DENND1A: variants seen among roughly 807,000 people sequenced by gnomAD.
DENND1A encodes the protein DENN domain-containing protein 1A.
A neutral mutation model predicts 113.7 loss-of-function variants in DENND1A; 51 were observed. That is an observed-to-expected ratio of 0.45 (90% CI 0.36 to 0.57). The LOEUF is 0.57. Ranked by LOEUF, DENND1A falls within the 20% of genes least tolerant of loss-of-function variation. The pLI, the probability that DENND1A is intolerant of heterozygous loss-of-function variation, is 0.00. For synonymous variants in DENND1A, 565 were observed against 570.8 expected, an observed-to-expected ratio of 0.99 and a Z score of 0.14; for missense variants, 1,258 against 1,395.9, an observed-to-expected ratio of 0.90 and a Z score of 1.57.
At chr9:123,853,892 A>G (rs1564393398) in intron 2 of DENND1A, among the ~76,000 whole-genome samples, 2 of 152,208 alleles carry the variant, frequency 1.3e-5, no homozygotes, top group South Asian at 2.1e-4. Flanking sequence ...AAAATGTCTC[A>G]GATTAAGAAG....
chr9:123,667,810 A>G (rs2063562350), intron 7 of DENND1A, among the ~76,000 whole-genome samples: 1 of 152,132 alleles, frequency 6.6e-6, no homozygotes, highest in South Asian at 2.1e-4. Context: ...CATCTATAAA[A>G]TGTGGCCAAA....
chr9:123,477,779 G>A (rs768055433), intron 13 of DENND1A, among the ~76,000 whole-genome samples: 3 of 151,860 alleles, frequency 2.0e-5, no homozygotes, highest in Non-Finnish European at 4.4e-5. Flanking sequence ...AAATGAACAC[G>A]AGTGCCTCCC....
At chr9:123,738,182 T>C (rs953745257) in intron 5 of DENND1A, among the ~76,000 whole-genome samples, 10 of 152,226 alleles carry the variant, frequency 6.6e-5, no homozygotes, top group Non-Finnish European at 1.3e-4. Flanking sequence ...AATATGTTTG[T>C]TCGTTGCATA....
chr9:123,592,692 A>G (rs2059513435), intron 11 of DENND1A, among the ~76,000 whole-genome samples: 1 of 151,992 alleles, frequency 6.6e-6, no homozygotes, highest in South Asian at 2.1e-4. Context: ...ATTTTGAGAG[A>G]TGAGGTCTTG....
chr9:123,669,432 A>C (rs2063653429), intron 7 of DENND1A, among the ~76,000 whole-genome samples: 1 of 152,204 alleles, frequency 6.6e-6, no homozygotes, highest in South Asian at 2.1e-4. Context: ...TTGCCCATGA[A>C]ATGCTGGGGA....
rs1292622147 is a variant in DENND1A, at chr9:123,380,134, GTGTC to G, written c.*1294_*1297del. ...TCCCCCAGACACCCCTGGGTAGACT[GTGTC>G]TGACCCTTCACAAATAGGAAATGAG... is the stretch of plus-strand genomic sequence containing the variant. On this transcript the variant is annotated 3_prime_UTR_variant, in exon 24 of 24. Coordinates refer to ENST00000394215, the MANE Select transcript of DENND1A (RefSeq NM_001352964.2). The G allele has an allele frequency of 6.6e-6, 1 of 152,228 alleles. No homozygotes were observed. Among genetic ancestry groups the G allele is most frequent in the African/African-American group, 2.4e-5 (1 of 41,456 alleles). The allele number at this position is 152,228 out of a possible 1,614,324, so 9.4% of individuals were successfully genotyped here. A position where few individuals can be genotyped will look rare whatever the true frequency, so the allele number is the denominator to read the frequency against.
intron 21 of DENND1A, among the ~76,000 whole-genome samples, chr9:123,393,894 G>A (rs775679791): frequency 2.6e-5 from 4 of 152,164 alleles, no homozygotes; most frequent in African/African-American, 7.2e-5. Flanking sequence ...GGTCCTTCCC[G>A]CCCCACTGGG....
rs532293661 is a variant in DENND1A, at chr9:123,660,123, C to A, written c.507+6903G>T. Among the ~76,000 whole-genome samples the A allele has an allele frequency of 4.6e-4, 70 of 152,328 alleles. 2 individuals carry two copies. The South Asian group carries it at 0.013, about 29-fold the overall frequency. On this transcript the variant is annotated intron_variant, in intron 8 of 23. Transcript: ENST00000394215. Reference sequence around the variant, plus strand: ...AACCTGGGTCGCTACACTGTGCTTACGAGCAGACCTTGCCACCTCAGCTCT... The same window carrying A: ...AACCTGGGTCGCTACACTGTGCTTAAGAGCAGACCTTGCCACCTCAGCTCT...
intron 7 of DENND1A, among the ~76,000 whole-genome samples, chr9:123,667,446 T>G (rs981062564): frequency 6.6e-6 from 1 of 151,944 alleles, no homozygotes; most frequent in African/African-American, 2.4e-5. Context: ...GAAACCCCGT[T>G]TATACTGAAA....
intron 2 of DENND1A, among the ~76,000 whole-genome samples, chr9:123,809,911 G>A (rs1277330770): frequency 2.0e-5 from 3 of 152,152 alleles, no homozygotes; most frequent in Admixed American, 6.5e-5. Flanking sequence ...ACTTGATCAA[G>A]TGATCCGCCT....
intron 8 of DENND1A, among the ~76,000 whole-genome samples, chr9:123,665,763 T>C (rs2063465516): frequency 6.6e-6 from 1 of 152,208 alleles, no homozygotes; most frequent in South Asian, 2.1e-4. Context: ...AGCAGTAATA[T>C]TGATAATAGC....
At chr9:123,878,176 C>T (rs2133545247) in intron 2 of DENND1A, among the ~76,000 whole-genome samples, 1 of 150,736 alleles carries the variant, frequency 6.6e-6, no homozygotes, top group South Asian at 2.1e-4. Flanking sequence ...GCACTCCAGC[C>T]TGGGCAACAA....
chr9:123,895,558 G>A (rs1850607341), intron 1 of DENND1A, among the ~76,000 whole-genome samples: 1 of 151,660 alleles, frequency 6.6e-6, no homozygotes, highest in South Asian at 2.1e-4. Flanking sequence ...GGAGGTGGAG[G>A]TGGCACTGAG....
At chr9:123,725,742 C>T (rs138944571) in intron 5 of DENND1A, among the ~76,000 whole-genome samples, 9 of 152,344 alleles carry the variant, frequency 5.9e-5, no homozygotes, top group African/African-American at 9.6e-5. Context: ...GAAGGAGAAT[C>T]GATGGGTTCC....
At chr9:123,761,513 T>C (rs1330986077) in intron 4 of DENND1A, among the ~76,000 whole-genome samples, 1 of 152,234 alleles carries the variant, frequency 6.6e-6, no homozygotes, top group African/African-American at 2.4e-5. Context: ...CTCTCTTGCC[T>C]GTTGCATATT....
intron 12 of DENND1A, among the ~76,000 whole-genome samples, chr9:123,579,050 G>A (rs2058759529): frequency 6.6e-6 from 1 of 152,198 alleles, no homozygotes; most frequent in Non-Finnish European, 1.5e-5. Flanking sequence ...TTTAAAGCAG[G>A]GAGGAGAGAG....
At chr9:123,797,952 C>A (rs1834025620) in intron 2 of DENND1A, among the ~76,000 whole-genome samples, 1 of 151,878 alleles carries the variant, frequency 6.6e-6, no homozygotes. Context: ...GAAAAAAAAT[C>A]ATTTTGAAGG....
chr9:123,701,008 C>T (rs565991238), intron 5 of DENND1A, among the ~76,000 whole-genome samples: 10 of 152,260 alleles, frequency 6.6e-5, no homozygotes, highest in Admixed American at 3.9e-4. Flanking sequence ...AATTTTAATA[C>T]CAATTTCCTT....
intron 13 of DENND1A, among the ~76,000 whole-genome samples, chr9:123,508,697 G>A (rs2053184997): frequency 6.6e-6 from 1 of 152,174 alleles, no homozygotes; most frequent in African/African-American, 2.4e-5. Context: ...TAAATATCAA[G>A]GAAGTGTCAA....
Sources: gnomAD v4.1 joint callset for allele counts (sites outside exome capture counted in the v4.1 genomes callset) on GRCh38, gnomAD v4.1.1 for gene constraint, MANE v1.5 for transcripts, NCBI Gene and HGNC (gene_info 2026-07-23, HGNC 2026-07-21) for gene names.